The following NEDD4L variants were observed in gnomAD, a reference collection of about 807,000 sequenced individuals.
NEDD4L encodes the protein E3 ubiquitin-protein ligase NEDD4-like.
In NEDD4L, 54 loss-of-function variants were observed where a neutral mutation model predicts 148.9. The ratio of observed to expected loss-of-function variants is 0.36; its 90% CI spans 0.29 to 0.45. The LOEUF is 0.45. Among genes scored for constraint, NEDD4L ranks in the 20% least tolerant of loss-of-function variants. NEDD4L has a pLI of 1.00. For synonymous variants in NEDD4L, 433 were observed against 440.7 expected (o/e 0.98, Z 0.22); for missense variants, 856 against 1,233.8 (o/e 0.69, Z 4.59).
chr18:58,220,188 G>GTGGA (rs1388861201), intron 2 of NEDD4L, among the ~76,000 whole-genome samples: 1 of 152,192 alleles, frequency 6.6e-6, no homozygotes, highest in African/African-American at 2.4e-5. Context: ...GCCGAGATGG[G>GTGGA]TGGATCACTT....
intron 25 of NEDD4L, among the ~76,000 whole-genome samples, chr18:58,384,349 T>C (rs2048730545): frequency 6.6e-6 from 1 of 152,212 alleles, no homozygotes; most frequent in Non-Finnish European, 1.5e-5. Flanking sequence ...TTATGCTGAA[T>C]ACATAGACTA....
At chr18:58,262,677 A>G (rs1319308539) in intron 5 of NEDD4L, among the ~76,000 whole-genome samples, 2 of 151,578 alleles carry the variant, frequency 1.3e-5, no homozygotes, top group Non-Finnish European at 1.5e-5. Context: ...CTCAGTGAGC[A>G]TGTTGAATGC....
chr18:58,127,589 C>T (rs541339798), intron 1 of NEDD4L, among the ~76,000 whole-genome samples: 8 of 151,872 alleles, frequency 5.3e-5, no homozygotes, highest in African/African-American at 1.2e-4. Context: ...CCTGTGATCC[C>T]AGCACTTTGG....
intron 1 of NEDD4L, among the ~76,000 whole-genome samples, chr18:58,097,107 G>GA (rs917124579): frequency 1.1e-4 from 17 of 148,586 alleles, no homozygotes; most frequent in East Asian, 1.9e-4. Context: ...ATTACAAAAA[G>GA]AAAAAAAAAA....
At chr18:58,290,860 T>C (rs2054618213) in intron 5 of NEDD4L, among the ~76,000 whole-genome samples, 1 of 152,152 alleles carries the variant, frequency 6.6e-6, no homozygotes, top group South Asian at 2.1e-4. Context: ...CCCACTGGTG[T>C]GATGGTCATT....
At chr18:58,060,845 G>A (rs752588340) in intron 1 of NEDD4L, among the ~76,000 whole-genome samples, 22 of 151,940 alleles carry the variant, frequency 1.4e-4, no homozygotes, top group Non-Finnish European at 2.4e-4. Flanking sequence ...TACAACCTCC[G>A]CCTCCTGGGT....
intron 2 of NEDD4L, among the ~76,000 whole-genome samples, chr18:58,231,114 G>A (rs1451132067): frequency 3.3e-5 from 5 of 151,798 alleles, no homozygotes; most frequent in African/African-American, 1.2e-4. Flanking sequence ...AGCCATGTGT[G>A]GCAGCATGCC....
At chr18:58,297,680 A>G (rs1347664025) in intron 5 of NEDD4L, among the ~76,000 whole-genome samples, 1 of 152,092 alleles carries the variant, frequency 6.6e-6, no homozygotes, top group Non-Finnish European at 1.5e-5. Context: ...GCCCCTGCAG[A>G]TGTGATTAAA....
Position 58,256,900 on chromosome 18 carries a change from ATGTT to A in NEDD4L, c.297+4849_297+4852del, listed in dbSNP as rs1220987959. The A allele has an allele frequency of 4.6e-6, 4 of 870,058 alleles. No homozygotes were observed. The highest frequency in any genetic ancestry group is 3.5e-5 in the African/African-American group (2 of 57,296). The allele number at this position is 870,058 out of a possible 1,614,324, so 53.9% of individuals were successfully genotyped here. On this transcript the variant is annotated intron_variant, in intron 5 of 30. Coordinates refer to ENST00000400345, the MANE Select transcript of NEDD4L (RefSeq NM_001144967.3). This position sits in a 1 kb window ranked among gnomAD's most constrained non-coding sequence, Gnocchi z 5.2. ...CCCTGCTTCAGGCCAGTGGATCTGA[ATGTT>A]TGGCCGAGTTCTGGCACGATGATTT... is the stretch of plus-strand genomic sequence containing the variant.
intron 2 of NEDD4L, among the ~76,000 whole-genome samples, chr18:58,220,049 C>T (rs2043569829): frequency 6.6e-6 from 1 of 152,186 alleles, no homozygotes; most frequent in African/African-American, 2.4e-5. Flanking sequence ...TAAATTTAGT[C>T]TATTCAGCAA....
rs2050513957 is a variant in NEDD4L, at chr18:58,396,694, T to C, written c.*425T>C. 6.8e-6 allele frequency: 1 copy of C among 147,388 alleles called. No homozygotes were observed. 9.1% of individuals were successfully genotyped at this position (147,388 alleles called of 1,614,324 possible). On this transcript the variant is annotated 3_prime_UTR_variant, in exon 31 of 31. Coordinates refer to ENST00000400345, the MANE Select transcript of NEDD4L (RefSeq NM_001144967.3). ...TTTCGTTATGATTAAAGATGTCTCATGTACTTGGAAAAGTGAGCATTTTTT... is the reference window on the plus strand; with the variant it reads ...TTTCGTTATGATTAAAGATGTCTCACGTACTTGGAAAAGTGAGCATTTTTT...
At chr18:58,060,712 G>T (rs1200534475) in intron 1 of NEDD4L, among the ~76,000 whole-genome samples, 1 of 152,084 alleles carries the variant, frequency 6.6e-6, no homozygotes, top group African/African-American at 2.4e-5. Flanking sequence ...TCTAAACTGG[G>T]GCCTGTCTTG....
chr18:58,171,556 G>A (rs1305578450), intron 2 of NEDD4L, among the ~76,000 whole-genome samples: 1 of 152,270 alleles, frequency 6.6e-6, no homozygotes, highest in Non-Finnish European at 1.5e-5. Flanking sequence ...AGGCTCAGAG[G>A]CTCCAGCCCT....
chr18:58,114,437 C>G (rs1293782002), intron 1 of NEDD4L, among the ~76,000 whole-genome samples: 1 of 152,148 alleles, frequency 6.6e-6, no homozygotes, highest in Non-Finnish European at 1.5e-5. Flanking sequence ...ATCCCAAACT[C>G]TTGGCCTCCA....
Position 58,157,556 on chromosome 18 carries a change from AT to A in NEDD4L, c.49-8222del, listed in dbSNP as rs368026470. ...ATCTCTTGATTGTCATTCTTTTTGG[AT>A]TTTTTTTTTAAATTTCATACTTACA... On this transcript the variant is annotated intron_variant, in intron 1 of 30. Transcript: ENST00000400345. 9.0e-3 allele frequency among the ~76,000 whole-genome samples: 1,348 copies of A among 150,160 alleles called. 14 individuals carry two copies. Among genetic ancestry groups the A allele is most frequent in the African/African-American group, 0.031 (1,276 of 40,972 alleles).
At chr18:58,395,386 G>A (rs556453563) in intron 30 of NEDD4L, among the ~76,000 whole-genome samples, 5 of 152,084 alleles carry the variant, frequency 3.3e-5, no homozygotes, top group Admixed American at 6.5e-5. Context: ...CCACTGATCC[G>A]ATCCACTTGG....
At chr18:58,057,102 C>A (rs1304294295) in intron 1 of NEDD4L, among the ~76,000 whole-genome samples, 1 of 151,936 alleles carries the variant, frequency 6.6e-6, no homozygotes, top group Non-Finnish European at 1.5e-5. Flanking sequence ...GGCACGGTGA[C>A]CCTGCATTCC....
intron 18 of NEDD4L, 39 bp from the exon 19 acceptor site, chr18:58,357,155 A>G (rs2044776828): frequency 6.7e-7 from 1 of 1,493,940 alleles, no homozygotes; most frequent in Non-Finnish European, 9.2e-7. Context: ...GATTTGAACT[A>G]ATGTTCTGAT....
intron 5 of NEDD4L, among the ~76,000 whole-genome samples, chr18:58,311,413 G>A (rs1310175624): frequency 6.6e-6 from 1 of 152,222 alleles, no homozygotes; most frequent in Admixed American, 6.5e-5. Context: ...CCCGGCTGGA[G>A]TTTGGTGGCA....
Sources: allele counts gnomAD v4.1 joint callset (sites outside exome capture counted in the v4.1 genomes callset), GRCh38; gene constraint gnomAD v4.1.1; non-coding constraint Gnocchi (gnomAD v3.1); transcripts MANE v1.5; gene names NCBI Gene and HGNC (gene_info 2026-07-23, HGNC 2026-07-21).